Variants in ROCK1 observed in about 807,000 individuals in gnomAD.
ROCK1 encodes the protein rho-associated protein kinase 1.
Under a neutral mutation model 196.8 loss-of-function variants are expected in ROCK1, and 36 were observed. The observed-to-expected ratio is 0.18, with a 90% confidence interval of 0.14 to 0.24. ROCK1 has a LOEUF of 0.24. Among genes scored for constraint, ROCK1 ranks in the 10% least tolerant of loss-of-function variants. The probability of loss-of-function intolerance (pLI) is 1.00; values close to 1 mark genes in which losing one functional copy is unlikely to be tolerated. For synonymous variants in ROCK1, 443 were observed against 515.9 expected (o/e 0.86, Z 1.91); for missense variants, 920 against 1,562.0 (o/e 0.59, Z 6.93).
At chr18:20,990,478 G>A (rs1366296334) in intron 18 of ROCK1, among the ~76,000 whole-genome samples, 4 of 151,714 alleles carry the variant, frequency 2.6e-5, no homozygotes, top group Admixed American at 6.6e-5. Flanking sequence ...TTGGGAGGCC[G>A]AAGTCAGGAG....
chr18:21,070,661 A>G (rs1337199089), intron 1 of ROCK1, 48 bp from the exon 2 acceptor site: 1 of 1,190,616 alleles, frequency 8.4e-7, no homozygotes, highest in Admixed American at 2.4e-5. Context: ...CACATTATAC[A>G]GTCTCCTTTT....
chr18:21,091,923 TG>T (rs1229225624), intron 1 of ROCK1, among the ~76,000 whole-genome samples: 1 of 151,944 alleles, frequency 6.6e-6, no homozygotes, highest in Non-Finnish European at 1.5e-5. Flanking sequence ...AAGGTTGCAG[TG>T]AGCCGAGATC....
intron 27 of ROCK1, 125 bp downstream of exon 27, chr18:20,966,791 GA>G: frequency 1.4e-6 from 1 of 736,578 alleles, no homozygotes. Context: ...TTGGCTATCA[GA>G]AATAAGAATT....
rs555467069 is a variant in ROCK1, at chr18:21,086,911, AG to A, written c.94-16299del. Among the ~76,000 whole-genome samples, 103 of 152,306 alleles carry A rather than the reference AG, an allele frequency of 6.8e-4. 2 individuals are homozygous for A. The highest frequency in any genetic ancestry group is 6.7e-3 in the Admixed American group (102 of 15,298). On this transcript the variant is annotated intron_variant, in intron 1 of 32. Coordinates refer to ENST00000399799, the MANE Select transcript of ROCK1 (RefSeq NM_005406.3). ...CTGGTATATCATATATCAGAAAAGA[AG>A]AACAAAATGTAAAAATATGGGAAAA...
In ROCK1 at chr18:21,110,855, C is replaced by T. The variant is rs1568413235; in HGVS notation, c.56G>A (p.Arg19Gln). Residue 19 changes from arginine to glutamine, a missense_variant, in exon 1 of 33, where the codon CGG (arginine) becomes CAG (glutamine). This residue lies in a region of ROCK1 where 234 missense variants were observed against 460.7 expected (regional missense o/e 0.51). Transcript: ENST00000399799. ...TRFEKMDNLL[R>Q]DPKSEVNSDC... ...CGAATTCACTTCCGATTTGGGATCC[C>T]GCAGCAGGTTGTCCATTTTTTCAAA... 1 of 1,614,200 alleles carries T rather than the reference C, an allele frequency of 6.2e-7. No individual in the cohort carries two copies. The highest frequency in any genetic ancestry group is 8.5e-7 in the Non-Finnish European group (1 of 1,180,030).
chr18:20,977,601 T>A (rs943369205), intron 22 of ROCK1, among the ~76,000 whole-genome samples: 1 of 152,202 alleles, frequency 6.6e-6, no homozygotes, highest in African/African-American at 2.4e-5. Flanking sequence ...TTACTAATAA[T>A]TGGATAGCTG....
chr18:21,026,481 G>GCAAAAAC (rs2035957932), intron 10 of ROCK1, among the ~76,000 whole-genome samples: 1 of 140,166 alleles, frequency 7.1e-6, no homozygotes, highest in Admixed American at 7.2e-5. Context: ...GAATGCTTCA[G>GCAAAAAC]CAAAAACCAC....
At chr18:21,039,753 T>G (rs1323641162) in intron 8 of ROCK1, among the ~76,000 whole-genome samples, 190 bp from the exon 9 acceptor site, 1 of 152,138 alleles carries the variant, frequency 6.6e-6, no homozygotes, top group Non-Finnish European at 1.5e-5. Context: ...TTAAAGAATT[T>G]TTTTAAAAGA....
At chr18:21,086,979 A>G (rs2036533254) in intron 1 of ROCK1, among the ~76,000 whole-genome samples, 2 of 151,818 alleles carry the variant, frequency 1.3e-5, no homozygotes, top group African/African-American at 4.8e-5. Context: ...AGCAAAAATT[A>G]TAATGTTGCT....
At chr18:21,033,295 G>A (rs1013505431) in intron 9 of ROCK1, among the ~76,000 whole-genome samples, 1 of 152,128 alleles carries the variant, frequency 6.6e-6, no homozygotes, top group Non-Finnish European at 1.5e-5. Flanking sequence ...CTTCATGATT[G>A]AAAACACCTG....
intron 27 of ROCK1, chr18:20,960,526 T>C (rs1257062285): frequency 9.7e-6 from 2 of 205,918 alleles, no homozygotes; most frequent in Non-Finnish European, 1.9e-5. Context: ...TGTAGAAGAC[T>C]TTATCATTTA....
chr18:20,965,219 G>A (rs1196393329), intron 27 of ROCK1, among the ~76,000 whole-genome samples: 6 of 151,904 alleles, frequency 3.9e-5, no homozygotes, highest in Non-Finnish European at 5.9e-5. Context: ...GTGAAATCCC[G>A]TCTCTACAAA....
chr18:21,067,213 T>C (rs1380420560), intron 2 of ROCK1, among the ~76,000 whole-genome samples: 2 of 152,200 alleles, frequency 1.3e-5, no homozygotes, highest in African/African-American at 4.8e-5. Flanking sequence ...TGGCCATTTT[T>C]ACATCTTCTT....
At chr18:21,009,959 C>CAT (rs2035802834) in intron 13 of ROCK1, among the ~76,000 whole-genome samples, 1 of 152,068 alleles carries the variant, frequency 6.6e-6, no homozygotes, top group African/African-American at 2.4e-5. Context: ...AGAAGTTAGT[C>CAT]CCTTTCATCT....
At chr18:20,967,984 AT>A in intron 25 of ROCK1, 44 bp from the exon 26 acceptor site, 1 of 1,325,318 alleles carries the variant, frequency 7.5e-7, no homozygotes, top group Non-Finnish European at 1.0e-6. Flanking sequence ...TAGTCATCCA[AT>A]TTAATACTAA....
At chr18:21,074,635 A>C (rs1352971871) in intron 1 of ROCK1, among the ~76,000 whole-genome samples, 2 of 152,212 alleles carry the variant, frequency 1.3e-5, no homozygotes, top group Non-Finnish European at 2.9e-5. Flanking sequence ...CTGAGGGGAA[A>C]TGTTACATAA....
intron 2 of ROCK1, among the ~76,000 whole-genome samples, chr18:21,050,862 A>C (rs2036198229): frequency 6.6e-6 from 1 of 152,210 alleles, no homozygotes; most frequent in Admixed American, 6.5e-5. Context: ...TTCGCTGCAC[A>C]AATATTTCTA....
intron 2 of ROCK1, among the ~76,000 whole-genome samples, chr18:21,065,211 T>C (rs1037465728): frequency 6.6e-6 from 1 of 152,240 alleles, no homozygotes; most frequent in African/African-American, 2.4e-5. Context: ...TAGTGATTAT[T>C]CGCATTACTT....
intron 1 of ROCK1, among the ~76,000 whole-genome samples, chr18:21,084,167 A>G (rs1173092380): frequency 6.6e-6 from 1 of 152,178 alleles, no homozygotes; most frequent in African/African-American, 2.4e-5. Flanking sequence ...CTAGAACTAT[A>G]AAATGCTTAG....
Sources: gnomAD v4.1 joint callset for allele counts (sites outside exome capture counted in the v4.1 genomes callset) on GRCh38, gnomAD v4.1.1 for gene constraint, gnomAD v4.1.1 regional missense constraint, MANE v1.5 for transcripts, NCBI Gene and HGNC (gene_info 2026-07-23, HGNC 2026-07-21) for gene names.